Variants in CCSER1 observed in about 807,000 individuals in gnomAD.
CCSER1 encodes the protein coiled-coil serine rich protein 1, also known as serine-rich coiled-coil domain-containing protein 1.
CCSER1 carries 41 observed loss-of-function variants against 82.0 expected under a neutral mutation model. The observed-to-expected ratio is 0.50, with a 90% CI of 0.39 to 0.65. CCSER1 has a LOEUF of 0.65. Among genes scored for constraint, CCSER1 ranks in the 30% least tolerant of loss-of-function variants. CCSER1 has a pLI of 0.00. For synonymous variants in CCSER1, 414 were observed against 383.9 expected (o/e 1.08, Z -0.92); for missense variants, 1,119 against 1,064.2 (o/e 1.05, Z -0.72).
intron 7 of CCSER1, among the ~76,000 whole-genome samples, chr4:90,746,215 T>G (rs538591328): frequency 3.3e-5 from 5 of 152,334 alleles, no homozygotes; most frequent in African/African-American, 4.8e-5. Context: ...AAGGCAGATA[T>G]ATTTTATATT....
chr4:90,236,147 T>A (rs1038918171), intron 1 of CCSER1, among the ~76,000 whole-genome samples: 3 of 152,152 alleles, frequency 2.0e-5, no homozygotes, highest in Non-Finnish European at 4.4e-5. Context: ...CACGCTGCTC[T>A]TGAACTCTTG....
In CCSER1 at chr4:90,958,075, T is replaced by C. The variant is rs1200528572; in HGVS notation, c.2172+34628T>C. ...AATTAAGAGCATTCTATTAGATGTG[T>C]GTGGAATCCTCTTGGAGATATTTTG... On this transcript the variant is annotated intron_variant, in intron 9 of 10. Transcript: ENST00000509176. Among the ~76,000 whole-genome samples the C allele has an allele frequency of 5.3e-5, 8 of 152,186 alleles. 1 individual carries two copies. Among genetic ancestry groups the C allele is most frequent in the Admixed American group, 5.2e-4 (8 of 15,278 alleles).
Position 90,782,058 on chromosome 4 carries a change from TA to T in CCSER1, c.2011-33701del, listed in dbSNP as rs1313494190. The stretch of plus-strand genomic sequence containing the variant: ...GAAAGGCAGTAAAATTATTTCCTGA[TA>T]AACACTTTCTTGAGTATTCAAGGAT... On this transcript the variant is annotated intron_variant, in intron 7 of 10. Transcript: ENST00000509176. 25 of 664,356 alleles carry T rather than the reference TA, an allele frequency of 3.8e-5. No homozygotes were observed. The African/African-American group carries it at 4.9e-4, about 13-fold the overall frequency. 41.2% of individuals were successfully genotyped at this position (664,356 alleles called of 1,614,324 possible).
At position 91,518,312 on chromosome 4, in the gene CCSER1, G is replaced by A. The variant is rs549167669; in HGVS notation, c.2218-80260G>A. On this transcript the variant is annotated intron_variant, in intron 10 of 10. Transcript: ENST00000509176. ...TCATGATGGAGCAGCCGCTCTGTGG[G>A]CCCAAGCTGGGGAGGAGGTGTCTGG... is the stretch of plus-strand genomic sequence containing the variant. Among the ~76,000 whole-genome samples the A allele has an allele frequency of 3.3e-5, 5 of 152,302 alleles. No individual in the cohort carries two copies. In the East Asian group the frequency reaches 9.7e-4, roughly 29 times the overall value.
chr4:91,004,687 A>G (rs959854969), intron 9 of CCSER1, among the ~76,000 whole-genome samples: 1 of 152,214 alleles, frequency 6.6e-6, no homozygotes, highest in African/African-American at 2.4e-5. Context: ...AAAAATTTTG[A>G]TAGGTGTTTT....
chr4:90,871,259 A>C (rs929814921), intron 8 of CCSER1, among the ~76,000 whole-genome samples: 4 of 151,476 alleles, frequency 2.6e-5, no homozygotes, highest in African/African-American at 9.7e-5. Context: ...GTTCTTTAAG[A>C]TGTATTGTTA....
At chr4:90,573,105 T>C (rs1379468812) in intron 5 of CCSER1, among the ~76,000 whole-genome samples, 1 of 152,190 alleles carries the variant, frequency 6.6e-6, no homozygotes, top group African/African-American at 2.4e-5. Context: ...GCAAACTCAG[T>C]GCGCCTGTAG....
chr4:90,260,340 T>C (rs906993769), intron 1 of CCSER1, among the ~76,000 whole-genome samples: 7 of 152,142 alleles, frequency 4.6e-5, no homozygotes, highest in African/African-American at 1.7e-4. Context: ...ATGATCTGTC[T>C]AGTGTTCTGT....
intron 10 of CCSER1, among the ~76,000 whole-genome samples, chr4:91,380,909 G>A (rs1186066317): frequency 6.6e-6 from 1 of 152,076 alleles, no homozygotes; most frequent in African/African-American, 2.4e-5. Flanking sequence ...CATGTTTAGT[G>A]CTTCCTTCAG....
chr4:90,859,790 G>A (rs1319225539), intron 8 of CCSER1, among the ~76,000 whole-genome samples: 1 of 151,748 alleles, frequency 6.6e-6, no homozygotes, highest in Non-Finnish European at 1.5e-5. Context: ...TTTAAGGACT[G>A]TTATGAGATT....
At chr4:90,371,273 T>A (rs994104) in intron 3 of CCSER1, among the ~76,000 whole-genome samples, 15,141 of 152,050 alleles carry the variant, frequency 0.1, 1,295 homozygotes, top group East Asian at 0.32. Flanking sequence ...GTCTTTTTTT[T>A]AAAATAACAA....
At chr4:90,742,867 T>C (rs1159214244) in intron 7 of CCSER1, among the ~76,000 whole-genome samples, 1 of 152,210 alleles carries the variant, frequency 6.6e-6, no homozygotes, top group African/African-American at 2.4e-5. Flanking sequence ...CTGTTTTTAT[T>C]GTACCATGTG....
intron 5 of CCSER1, among the ~76,000 whole-genome samples, chr4:90,545,822 CT>C (rs1776687466): frequency 6.6e-6 from 1 of 152,146 alleles, no homozygotes; most frequent in African/African-American, 2.4e-5. Context: ...ACATAGTTTC[CT>C]TTAAAACAAG....
intron 10 of CCSER1, among the ~76,000 whole-genome samples, chr4:91,570,469 C>T (rs187506191): frequency 3.7e-4 from 56 of 152,340 alleles, no homozygotes; most frequent in African/African-American, 1.2e-3. Flanking sequence ...TGTTTTTATA[C>T]ATCTTTTGAA....
At chr4:90,601,049 A>C (rs1053947862) in intron 5 of CCSER1, among the ~76,000 whole-genome samples, 1 of 152,006 alleles carries the variant, frequency 6.6e-6, no homozygotes, top group African/African-American at 2.4e-5. Context: ...TAAATAACTT[A>C]TTAGTTCTAG....
chr4:90,585,867 T>G (rs1323421802), intron 5 of CCSER1, among the ~76,000 whole-genome samples: 1 of 152,222 alleles, frequency 6.6e-6, no homozygotes, highest in Non-Finnish European at 1.5e-5. Context: ...GTACGGTCTC[T>G]TATGTGTCAG....
chr4:91,188,526 T>G (rs905256768), intron 10 of CCSER1, among the ~76,000 whole-genome samples: 4 of 152,234 alleles, frequency 2.6e-5, no homozygotes, highest in African/African-American at 9.6e-5. Flanking sequence ...TTTTCAGGAA[T>G]AGCTAGTGCT....
chr4:90,860,241 A>G (rs1170417045), intron 8 of CCSER1, among the ~76,000 whole-genome samples: 2 of 151,676 alleles, frequency 1.3e-5, no homozygotes, highest in African/African-American at 4.8e-5. Context: ...TCCAATAAGC[A>G]CATGAAAAAT....
intron 1 of CCSER1, among the ~76,000 whole-genome samples, chr4:90,243,062 CTT>C (rs745465024): frequency 1.8e-4 from 23 of 126,926 alleles, no homozygotes; most frequent in Non-Finnish European, 1.6e-4. Context: ...CTCTCTCTCT[CTT>C]TTTTTTTTTT....
Sources: allele counts gnomAD v4.1 joint callset (sites outside exome capture counted in the v4.1 genomes callset), GRCh38; gene constraint gnomAD v4.1.1; transcripts MANE v1.5; gene names NCBI Gene and HGNC (gene_info 2026-07-23, HGNC 2026-07-21).